GLIS3: variants seen among roughly 807,000 people sequenced by gnomAD.
The protein encoded by GLIS3 is GLIS family zinc finger 3.
A neutral mutation model predicts 78.6 loss-of-function variants in GLIS3; 53 were observed. The ratio of observed to expected loss-of-function variants is 0.67; its 90% CI spans 0.54 to 0.85. GLIS3 has a LOEUF of 0.85. GLIS3 is among the 40% of genes least tolerant of loss of function. The probability of loss-of-function intolerance (pLI) is 0.00; values close to 1 mark genes in which losing one functional copy is unlikely to be tolerated. For missense variants in GLIS3, 1,703 were observed against 1,231.1 expected, an observed-to-expected ratio of 1.38 and a Z score of -5.74; for synonymous variants, 684 against 509.9, an observed-to-expected ratio of 1.34 and a Z score of -4.60.
chr9:4,195,955 A>G (rs1046119939), intron 2 of GLIS3, among the ~76,000 whole-genome samples: 9 of 152,200 alleles, frequency 5.9e-5, no homozygotes, highest in East Asian at 1.9e-4. Flanking sequence ...AAATGCACCA[A>G]TCAGCACCCT....
rs866654196 is a variant in GLIS3 at position 3,908,711 on chromosome 9, T to G, written c.1984-9876A>C. Among the ~76,000 whole-genome samples the G allele has an allele frequency of 7.3e-4, 96 of 130,810 alleles. 1 individual carries two copies. The highest frequency in any genetic ancestry group is 2.5e-3 in the African/African-American group (84 of 34,032). 85.8% of individuals were successfully genotyped at this position (130,810 alleles called of 152,430 possible). On this transcript the variant is annotated intron_variant, in intron 6 of 10. Coordinates refer to ENST00000381971, the MANE Select transcript of GLIS3 (RefSeq NM_001042413.2). ...ATCAATTGTGATTTGTATTTGTTTT[T>G]TTTTTTTTTTTTTTTTTGTACAGGA... is the stretch of plus-strand genomic sequence containing the variant.
chr9:4,376,265 C>T, the GLIS3 span, among the ~76,000 whole-genome samples: 7 of 152,090 alleles, frequency 4.6e-5, no homozygotes, highest in South Asian at 4.2e-4. Context: ...GGAAAACTTA[C>T]GAAAGAAAAA....
intron 2 of GLIS3, among the ~76,000 whole-genome samples, chr9:4,189,131 T>C (rs1351893750): frequency 2.6e-5 from 4 of 151,230 alleles, no homozygotes; most frequent in African/African-American, 7.3e-5. Flanking sequence ...CTTGTGGGCA[T>C]TTAGTGCTAT....
intron 4 of GLIS3, among the ~76,000 whole-genome samples, chr9:4,109,697 T>C (rs930676028): frequency 1.4e-4 from 21 of 152,212 alleles, no homozygotes; most frequent in Non-Finnish European, 2.8e-4. Flanking sequence ...TTCCAATTCC[T>C]AAACATGATC....
chr9:4,347,604 A>G (rs889632432), intron 1 of GLIS3, among the ~76,000 whole-genome samples: 1 of 152,194 alleles, frequency 6.6e-6, no homozygotes, highest in Admixed American at 6.5e-5. Flanking sequence ...GAAGTTTGAG[A>G]ATTATTGACT....
chr9:4,083,184 C>G (rs1367280070), intron 4 of GLIS3, among the ~76,000 whole-genome samples: 1 of 152,136 alleles, frequency 6.6e-6, no homozygotes, highest in Non-Finnish European at 1.5e-5. Flanking sequence ...CAATTTGGTT[C>G]AAGTGGTGTG....
rs182935224 is a variant in GLIS3 at position 4,008,863 on chromosome 9, T to C, written c.1711-71674A>G. 2.4e-4 allele frequency among the ~76,000 whole-genome samples: 36 copies of C among 152,054 alleles called. No homozygotes were observed. In the East Asian group the frequency reaches 6.6e-3, roughly 28 times the overall value. On this transcript the variant is annotated intron_variant, in intron 4 of 10. Transcript: ENST00000381971. ...GTGAGGAAATGGAGATGAGGAGAAG[T>C]GAGGTGCATAACACGGTTATGCACT...
At chr9:4,484,233 T>A in the GLIS3 span, among the ~76,000 whole-genome samples, 2,003 of 140,084 alleles carry the variant, frequency 0.014, 57 homozygotes, top group African/African-American at 0.051. Context: ...CTAACTTTTT[T>A]TTTTTATTTT....
At chr9:4,391,285 A>G in the GLIS3 span, among the ~76,000 whole-genome samples, 2 of 152,196 alleles carry the variant, frequency 1.3e-5, no homozygotes, top group African/African-American at 4.8e-5. Flanking sequence ...GGTTTCCTTC[A>G]GAAATTCCTT....
intron 2 of GLIS3, among the ~76,000 whole-genome samples, chr9:4,143,354 G>C (rs146946102): frequency 1.3e-5 from 2 of 151,992 alleles, no homozygotes; most frequent in Admixed American, 6.5e-5. Context: ...ATCACCCGAG[G>C]TCAGGAGTTC....
intron 2 of GLIS3, among the ~76,000 whole-genome samples, chr9:4,209,306 C>T (rs929126665): frequency 1.3e-5 from 2 of 152,142 alleles, no homozygotes; most frequent in African/African-American, 4.8e-5. Context: ...GCTTGTGCTA[C>T]CTCCTTTCTG....
intron 2 of GLIS3, among the ~76,000 whole-genome samples, chr9:4,230,730 G>C (rs944524383): frequency 1.3e-5 from 2 of 152,190 alleles, no homozygotes; most frequent in Admixed American, 1.3e-4. Flanking sequence ...ATCCGTCAAA[G>C]AGGGAGAATA....
chr9:4,129,391 A>T (rs1481317598), intron 2 of GLIS3, among the ~76,000 whole-genome samples: 3 of 152,206 alleles, frequency 2.0e-5, no homozygotes, highest in Non-Finnish European at 4.4e-5. Context: ...CTCACATTCA[A>T]CTGTAATGAC....
At chr9:4,255,079 A>C (rs979039495) in intron 2 of GLIS3, among the ~76,000 whole-genome samples, 21 of 152,236 alleles carry the variant, frequency 1.4e-4, no homozygotes, top group Admixed American at 6.5e-4. Flanking sequence ...ATTTCACCAG[A>C]TATACAGATG....
At chr9:4,215,937 C>G (rs1267087880) in intron 2 of GLIS3, among the ~76,000 whole-genome samples, 1 of 152,094 alleles carries the variant, frequency 6.6e-6, no homozygotes, top group African/African-American at 2.4e-5. Flanking sequence ...ACTAAAAAAG[C>G]TGATTCTAAT....
At chr9:4,253,020 T>C (rs1824543913) in intron 2 of GLIS3, among the ~76,000 whole-genome samples, 1 of 152,214 alleles carries the variant, frequency 6.6e-6, no homozygotes, top group South Asian at 2.1e-4. Context: ...AGATGCCAGC[T>C]GAAGCTCTCC....
At chr9:4,107,756 A>G (rs934932782) in intron 4 of GLIS3, among the ~76,000 whole-genome samples, 2 of 152,038 alleles carry the variant, frequency 1.3e-5, no homozygotes, top group Non-Finnish European at 2.9e-5. Flanking sequence ...GTTACCTAAA[A>G]AAAAAAAAAC....
chr9:4,144,022 C>G (rs1834017172), intron 2 of GLIS3, among the ~76,000 whole-genome samples: 1 of 152,130 alleles, frequency 6.6e-6, no homozygotes, highest in Non-Finnish European at 1.5e-5. Context: ...AAGATTTTCC[C>G]ATTATCTTCT....
At chr9:4,407,403 C>A in the GLIS3 span, among the ~76,000 whole-genome samples, 13 of 152,168 alleles carry the variant, frequency 8.5e-5, no homozygotes, top group Admixed American at 2.0e-4. Flanking sequence ...CCCAGCACTT[C>A]GGGAGGCCGA....
Sources: gnomAD v4.1 joint callset for allele counts (sites outside exome capture counted in the v4.1 genomes callset) on GRCh38, gnomAD v4.1.1 for gene constraint, MANE v1.5 for transcripts, NCBI Gene and HGNC (gene_info 2026-07-23, HGNC 2026-07-21) for gene names.